Variants in CSMD1 observed in about 807,000 individuals in gnomAD.
CSMD1 encodes the protein CUB and sushi domain-containing protein 1.
A neutral mutation model predicts 417.5 loss-of-function variants in CSMD1; 213 were observed. The ratio of observed to expected loss-of-function variants is 0.51; its 90% CI spans 0.46 to 0.57. The LOEUF is 0.57. Ranked by LOEUF, CSMD1 falls within the 20% of genes least tolerant of loss-of-function variation. The pLI, the probability that CSMD1 is intolerant of heterozygous loss-of-function variation, is 0.00. For synonymous variants in CSMD1, 2,862 were observed against 1,736.8 expected, an observed-to-expected ratio of 1.65 and a Z score of -16.11; for missense variants, 6,923 against 4,529.7, an observed-to-expected ratio of 1.53 and a Z score of -15.17.
intron 23 of CSMD1, among the ~76,000 whole-genome samples, chr8:3,324,376 A>G (rs538803332): frequency 1.3e-5 from 2 of 149,422 alleles, no homozygotes; most frequent in Admixed American, 6.7e-5. Context: ...GGGACCCAGG[A>G]AGGGGCGTTT....
intron 3 of CSMD1, among the ~76,000 whole-genome samples, chr8:4,126,403 A>G (rs1487540743): frequency 6.6e-6 from 1 of 152,082 alleles, no homozygotes; most frequent in Non-Finnish European, 1.5e-5. Context: ...GGTGCCAAAC[A>G]CCCATCACAG....
intron 5 of CSMD1, among the ~76,000 whole-genome samples, chr8:3,926,073 C>G (rs1179396654): frequency 4.5e-5 from 5 of 111,140 alleles, no homozygotes; most frequent in Non-Finnish European, 7.1e-5. Context: ...CACACACACA[C>G]AAACACCATA....
chr8:4,393,521 A>G (rs932641142), intron 3 of CSMD1, among the ~76,000 whole-genome samples: 1 of 152,204 alleles, frequency 6.6e-6, no homozygotes, highest in Admixed American at 6.5e-5. Flanking sequence ...CATACATCCT[A>G]GGCCCAGTTT....
chr8:4,953,903 T>C (rs1808908423), intron 1 of CSMD1, among the ~76,000 whole-genome samples: 1 of 151,902 alleles, frequency 6.6e-6, no homozygotes, highest in African/African-American at 2.4e-5. Context: ...TACCCAGGAG[T>C]AGGGATCAAG....
intron 5 of CSMD1, among the ~76,000 whole-genome samples, chr8:3,863,073 G>A (rs1434209959): frequency 1.3e-5 from 2 of 152,152 alleles, no homozygotes; most frequent in African/African-American, 4.8e-5. Flanking sequence ...CAAAGTGGAA[G>A]GAGAGGCAAG....
intron 51 of CSMD1, among the ~76,000 whole-genome samples, chr8:3,025,724 G>A (rs773563868): frequency 9.9e-5 from 15 of 152,112 alleles, no homozygotes; most frequent in Non-Finnish European, 2.2e-4. Context: ...ACACATTAAG[G>A]GGCTTTGAAA....
At chr8:2,975,076 T>C (rs1243433198) in intron 55 of CSMD1, among the ~76,000 whole-genome samples, 2 of 152,230 alleles carry the variant, frequency 1.3e-5, no homozygotes, top group African/African-American at 4.8e-5. Context: ...CTGCTTAATC[T>C]TCAAGCTCAC....
At chr8:3,853,151 T>C (rs1369561016) in intron 5 of CSMD1, among the ~76,000 whole-genome samples, 15 of 152,126 alleles carry the variant, frequency 9.9e-5, no homozygotes, top group Admixed American at 9.8e-4. Context: ...CCGCGTCCCT[T>C]GGCTTCAAGG....
At chr8:4,148,697 T>A (rs1219389462) in intron 3 of CSMD1, among the ~76,000 whole-genome samples, 2 of 152,024 alleles carry the variant, frequency 1.3e-5, no homozygotes, top group Non-Finnish European at 2.9e-5. Flanking sequence ...GTAAGGGCAC[T>A]CAGCCCACAG....
chr8:4,131,519 GT>G (rs1418984027), intron 3 of CSMD1, among the ~76,000 whole-genome samples: 4 of 152,034 alleles, frequency 2.6e-5, no homozygotes, highest in Non-Finnish European at 5.9e-5. Flanking sequence ...TAAACATTAT[GT>G]TTAATATCAA....
intron 6 of CSMD1, among the ~76,000 whole-genome samples, chr8:3,751,520 C>T (rs1323844591): frequency 6.7e-6 from 1 of 148,564 alleles, no homozygotes; most frequent in Admixed American, 6.7e-5. Flanking sequence ...ATAATTTATG[C>T]TTCTATAATA....
At chr8:3,781,584 T>C (rs191784402) in intron 5 of CSMD1, among the ~76,000 whole-genome samples, 5 of 152,302 alleles carry the variant, frequency 3.3e-5, no homozygotes, top group Admixed American at 1.3e-4. Context: ...TCTCCAATTA[T>C]CAGTGTACTC....
intron 1 of CSMD1, among the ~76,000 whole-genome samples, chr8:4,744,001 C>A (rs28677882): frequency 0.18 from 27,743 of 152,192 alleles, 3,593 homozygotes; most frequent in African/African-American, 0.37. Flanking sequence ...GTTAAAGTCA[C>A]GCTCTAGAGC....
chr8:3,743,795 G>T (rs1796932257), intron 6 of CSMD1, among the ~76,000 whole-genome samples: 1 of 152,146 alleles, frequency 6.6e-6, no homozygotes, highest in African/African-American at 2.4e-5. Flanking sequence ...CTTTACAGCT[G>T]CCGTCACTCC....
chr8:4,629,880 A>G (rs1276742058), intron 2 of CSMD1, among the ~76,000 whole-genome samples: 1 of 152,116 alleles, frequency 6.6e-6, no homozygotes, highest in African/African-American at 2.4e-5. Context: ...CCTTTGTGTA[A>G]ATCTGAATGC....
In CSMD1 at chr8:4,940,229, G is replaced by A. The variant is rs972158190; in HGVS notation, c.85+54103C>T. ...TGGCCACCCTAGTCAAAGCGTATTT[G>A]AGAAGGACAAGAACAGAAATAGTGT... On this transcript the variant is annotated intron_variant, in intron 1 of 69. Coordinates refer to ENST00000635120, the MANE Select transcript of CSMD1 (RefSeq NM_033225.6). 2.6e-5 allele frequency among the ~76,000 whole-genome samples: 4 copies of A among 152,264 alleles called. No homozygotes were observed. In the East Asian group the frequency reaches 7.7e-4, roughly 29 times the overall value.
intron 3 of CSMD1, among the ~76,000 whole-genome samples, chr8:4,400,825 G>A (rs1186185117): frequency 6.6e-6 from 1 of 150,390 alleles, no homozygotes; most frequent in Non-Finnish European, 1.5e-5. Context: ...GGATTATTAG[G>A]GCATTTGAAG....
intron 7 of CSMD1, among the ~76,000 whole-genome samples, chr8:3,678,188 A>T (rs1799477853): frequency 6.6e-6 from 1 of 152,200 alleles, no homozygotes; most frequent in Admixed American, 6.5e-5. Context: ...CTGGACGGAG[A>T]ATGACTTTGA....
At chr8:4,261,960 A>G (rs1156339527) in intron 3 of CSMD1, among the ~76,000 whole-genome samples, 1 of 152,200 alleles carries the variant, frequency 6.6e-6, no homozygotes, top group African/African-American at 2.4e-5. Flanking sequence ...CAGAAAAAAA[A>G]TTAAAACCTG....
Sources: gnomAD v4.1 joint callset for allele counts (sites outside exome capture counted in the v4.1 genomes callset) on GRCh38, gnomAD v4.1.1 for gene constraint, MANE v1.5 for transcripts, NCBI Gene and HGNC (gene_info 2026-07-23, HGNC 2026-07-21) for gene names.